TOX4: variants seen among roughly 807,000 people sequenced by gnomAD.
TOX4 encodes epidermal Langerhans cell protein LCP1.
Under a neutral mutation model 61.0 loss-of-function variants are expected in TOX4, and 12 were observed. That is an observed-to-expected ratio of 0.20 (90% CI 0.13 to 0.32). TOX4 has a LOEUF of 0.32. TOX4 is among the 10% of genes least tolerant of loss of function. The probability of loss-of-function intolerance (pLI) is 1.00; values close to 1 mark genes in which losing one functional copy is unlikely to be tolerated. For missense variants in TOX4, 499 were observed against 753.3 expected (o/e 0.66, Z 3.95); for synonymous variants, 268 against 274.8 (o/e 0.98, Z 0.24).
rs1360142623 is a variant in TOX4, at chr14:21,492,609, A to C, written c.993A>C (p.Ser331=). ...TVDPASPAPA[S]IEPPALSPSI... ...ACCCAGCATCTCCAGCACCAGCTTC[A>C]ATAGAGCCCCCTGCCCTGTCCCCAT... Residue 331 remains serine (S), a synonymous_variant, in exon 7 of 9, where the codon TCA becomes TCC. Transcript: ENST00000448790. 3 of 1,613,688 alleles carry C rather than the reference A, an allele frequency of 1.9e-6. No homozygotes were observed. The highest frequency in any genetic ancestry group is 2.5e-6 in the Non-Finnish European group (3 of 1,180,028).
chr14:21,495,557 T>C (rs1220516624), intron 8 of TOX4, 165 bp downstream of exon 8: 16 of 707,542 alleles, frequency 2.3e-5, no homozygotes, highest in Non-Finnish European at 3.3e-5. Flanking sequence ...AGAGCTTACA[T>C]TTGCCACATA....
chr14:21,487,707 C>G lies in TOX4; in HGVS notation c.318+14C>G. On this transcript the variant is annotated intron_variant, in intron 3 of 8. Transcript: ENST00000448790. ...GGCTTGACCATGGTAAGGGGCAAGA[C>G]ATTGTCAGGCTTACCCCAGCTAATG... 2 of 1,602,234 alleles carry G rather than the reference C, an allele frequency of 1.2e-6. No homozygotes were observed. Among genetic ancestry groups the G allele is most frequent in the Non-Finnish European group, 8.5e-7 (1 of 1,171,268 alleles).
Position 21,498,816 on chromosome 14 carries a change from G to A in TOX4, c.*2210G>A. On this transcript the variant is annotated 3_prime_UTR_variant, in exon 9 of 9. Coordinates refer to ENST00000448790, the MANE Select transcript of TOX4 (RefSeq NM_014828.4). ...GTGAAGAGAGTAGAAACCCTAGGGA[G>A]CAGTGCTTTTGGGTCCTAGAACCTG... is the stretch of plus-strand genomic sequence containing the variant. The A allele has an allele frequency of 1.8e-6, 1 of 553,504 alleles. No individual in the cohort carries two copies. The highest frequency in any genetic ancestry group is 3.2e-6 in the Non-Finnish European group (1 of 310,362). The allele number at this position is 553,504 out of a possible 1,614,324, so 34.3% of individuals were successfully genotyped here. A position where few individuals can be genotyped will look rare whatever the true frequency, so the allele number is the denominator to read the frequency against.
At chr14:21,480,203 T>A (rs376497470) in intron 2 of TOX4, among the ~76,000 whole-genome samples, 3 of 152,296 alleles carry the variant, frequency 2.0e-5, no homozygotes, top group South Asian at 4.1e-4. Context: ...AAAAGTAAAT[T>A]TAAAGTATTA....
At chr14:21,488,955 T>C in intron 4 of TOX4, 105 bp downstream of exon 4, 1 of 1,479,368 alleles carries the variant, frequency 6.8e-7, no homozygotes, top group Non-Finnish European at 9.1e-7. Context: ...TGCCATCTCC[T>C]CTGCTGTTTT....
At chr14:21,477,915 T>TGA (rs1482404467) in intron 2 of TOX4, among the ~76,000 whole-genome samples, 2 of 151,902 alleles carry the variant, frequency 1.3e-5, no homozygotes, top group East Asian at 3.9e-4. Flanking sequence ...CTGAAGAAAT[T>TGA]GGGGTTGAGG....
At chr14:21,496,429 A>C in intron 8 of TOX4, 117 bp from the exon 9 acceptor site, 1 of 844,318 alleles carries the variant, frequency 1.2e-6, no homozygotes, top group Non-Finnish European at 1.9e-6. Context: ...CGGGAGGCTA[A>C]GGCAGGAGAA....
chr14:21,482,647 T>G (rs1221242777), intron 2 of TOX4: 2 of 451,054 alleles, frequency 4.4e-6, no homozygotes, highest in Admixed American at 5.4e-5. Context: ...TCTCTTTCTG[T>G]GTCCAAACCA....
Position 21,477,273 on chromosome 14 carries a change from G to A in TOX4, c.-6G>A, listed in dbSNP as rs377484061. 5 of 1,613,892 alleles carry A rather than the reference G, an allele frequency of 3.1e-6. No homozygotes were observed. The African/African-American group carries it at 6.7e-5, about 22-fold the overall frequency. On this transcript the variant is annotated 5_prime_UTR_variant, in exon 1 of 9. The change creates a new upstream start codon in the 5' untranslated region. Coordinates refer to ENST00000448790, the MANE Select transcript of TOX4 (RefSeq NM_014828.4). The stretch of plus-strand genomic sequence containing the variant: ...GGTCTGAGACGGTGGGAGCGGTTGT[G>A]TGAAGATGGAGGTAGGAACCTGATA...
chr14:21,495,489 C>T (rs1451987241), intron 8 of TOX4, 97 bp downstream of exon 8: 8 of 1,441,716 alleles, frequency 5.5e-6, no homozygotes, highest in Non-Finnish European at 7.6e-6. Context: ...TCAGTGTCAC[C>T]TTACCTTAGG....
At position 21,486,148 on chromosome 14, in the gene TOX4, G is replaced by A. The variant is rs781547567; in HGVS notation, c.76-1303G>A. On this transcript the variant is annotated intron_variant, in intron 2 of 8. Transcript: ENST00000448790. Reference sequence around the variant, plus strand: ...GCCCAGGAGTTCCAGATCAGCTTGGGTGACAGGGCAAGACCCCATCTCAAA... The same window carrying A: ...GCCCAGGAGTTCCAGATCAGCTTGGATGACAGGGCAAGACCCCATCTCAAA... Among the ~76,000 whole-genome samples, 19 of 103,470 alleles carry A rather than the reference G, an allele frequency of 1.8e-4. 7 individuals carry two copies. The highest frequency in any genetic ancestry group is 3.4e-4 in the Non-Finnish European group (16 of 47,752). 67.9% of individuals were successfully genotyped at this position (103,470 alleles called of 152,430 possible). A position where few individuals can be genotyped will look rare whatever the true frequency, so the allele number is the denominator to read the frequency against.
At position 21,496,569 on chromosome 14, in the gene TOX4, C is replaced by A. The variant is rs770186614; in HGVS notation, c.1829C>A (p.Ala610Asp). ...AGGGATGTATTCTTGGCCTGGGTAG[C>A]CTCTAGAAATTCAAACACAGTGGTG... ...HCRDVFLAWV[A>D]SRNSNTVVFV... Residue 610 changes from alanine (A) to aspartate (D), a missense_variant, in exon 9 of 9, where the codon GCC (alanine) becomes GAC (aspartate). This residue lies in a region of TOX4 where 296 missense variants were observed against 404.7 expected (regional missense o/e 0.73). Coordinates refer to ENST00000448790, the MANE Select transcript of TOX4 (RefSeq NM_014828.4). 8.7e-6 allele frequency: 14 copies of A among 1,612,548 alleles called. No homozygotes were observed. The South Asian group carries it at 1.5e-4, about 18-fold the overall frequency.
chr14:21,496,834 A>C lies in TOX4; in HGVS notation c.*228A>C. The stretch of plus-strand genomic sequence containing the variant: ...ACTTTCAACCATAAGCGGTAATAGC[A>C]GAGGAAAGGGTGAAGGGAGTCTGGG... On this transcript the variant is annotated 3_prime_UTR_variant, in exon 9 of 9. Coordinates refer to ENST00000448790, the MANE Select transcript of TOX4 (RefSeq NM_014828.4). 2.0e-6 allele frequency: 1 copy of C among 493,952 alleles called. No individual in the cohort carries two copies. Among genetic ancestry groups the C allele is most frequent in the South Asian group, 2.3e-5 (1 of 44,134 alleles). The allele number at this position is 493,952 out of a possible 1,614,324, so 30.6% of individuals were successfully genotyped here.
chr14:21,477,196 T>C lies in TOX4; in HGVS notation c.-83T>C, dbSNP rs977482846. 6.3e-5 allele frequency: 101 copies of C among 1,609,734 alleles called. No individual in the cohort carries two copies. The highest frequency in any genetic ancestry group is 7.9e-5 in the Non-Finnish European group (93 of 1,176,120). ...CAATCAGCAGAGAGAACACACGTCC[T>C]TGCGGAAGTGACGGCAGTTCCGAGT... On this transcript the variant is annotated 5_prime_UTR_variant, in exon 1 of 9. Coordinates refer to ENST00000448790, the MANE Select transcript of TOX4 (RefSeq NM_014828.4).
chr14:21,493,366 G>C (rs774265811), intron 7 of TOX4, 109 bp downstream of exon 7: 3 of 1,279,490 alleles, frequency 2.3e-6, no homozygotes, highest in Non-Finnish European at 3.2e-6. Flanking sequence ...CAGCAACCAG[G>C]AGCACAAAAC....
Position 21,499,167 on chromosome 14 carries a change from G to A in TOX4, c.*2561G>A, listed in dbSNP as rs1203199808. On this transcript the variant is annotated 3_prime_UTR_variant, in exon 9 of 9. Transcript: ENST00000448790. ...GAAATAAAAACTAGCTGCTTTTTAA[G>A]TTACACAAGATTGCAATTCTAGCCC... The A allele has an allele frequency of 6.3e-7, 1 of 1,595,230 alleles. No individual in the cohort carries two copies. The highest frequency in any genetic ancestry group is 8.6e-7 in the Non-Finnish European group (1 of 1,163,008).
At chr14:21,484,129 C>T (rs982362958) in intron 2 of TOX4, among the ~76,000 whole-genome samples, 3 of 152,042 alleles carry the variant, frequency 2.0e-5, no homozygotes, top group Middle Eastern at 3.2e-3. Flanking sequence ...TGTTCTTATG[C>T]TCCGTGTGCT....
intron 1 of TOX4, 79 bp downstream of exon 1, chr14:21,477,363 G>T (rs1219785311): frequency 9.3e-6 from 15 of 1,613,544 alleles, no homozygotes; most frequent in Non-Finnish European, 1.3e-5. Context: ...GCCGGGCGGA[G>T]AGGCGACTGA....
At position 21,493,110 on chromosome 14, in the gene TOX4, A is replaced by T. The variant is rs758136186; in HGVS notation, c.1494A>T (p.Leu498=). The change falls in exon 7 of 9, where the codon CTA becomes CTT. Residue 498 remains leucine (L), a synonymous_variant. Transcript: ENST00000448790. ...PPPLQIKSVP[L]PTLKMQTTLV... ...CTCTGCAGATCAAGAGTGTGCCTCTACCCACTTTGAAAATGCAGACTACCT... is the reference window on the plus strand; with the variant it reads ...CTCTGCAGATCAAGAGTGTGCCTCTTCCCACTTTGAAAATGCAGACTACCT... 1.8e-5 allele frequency: 29 copies of T among 1,613,988 alleles called. No homozygotes were observed. The highest frequency in any genetic ancestry group is 2.5e-5 in the Non-Finnish European group (29 of 1,180,004).
Sources: gnomAD v4.1 joint callset for allele counts (sites outside exome capture counted in the v4.1 genomes callset) on GRCh38, gnomAD v4.1.1 for gene constraint, gnomAD v4.1.1 regional missense constraint, MANE v1.5 for transcripts, NCBI Gene and HGNC (gene_info 2026-07-23, HGNC 2026-07-21) for gene names.